The following TMCO6 variants were observed in gnomAD, a reference collection of about 807,000 sequenced individuals.
TMCO6 encodes the protein transmembrane and coiled-coil domains 6.
A neutral mutation model predicts 61.8 loss-of-function variants in TMCO6; 47 were observed. That is an observed-to-expected ratio of 0.76 (90% CI 0.60 to 0.97). The LOEUF (loss-of-function observed/expected upper bound fraction) is 0.97, where lower values mean the gene tolerates loss of function less well. Among genes scored for constraint, TMCO6 ranks in the 50% least tolerant of loss-of-function variants. The pLI, the probability that TMCO6 is intolerant of heterozygous loss-of-function variation, is 0.00. For synonymous variants in TMCO6, 261 were observed against 254.2 expected (o/e 1.03, Z -0.25); for missense variants, 557 against 601.6 (o/e 0.93, Z 0.78).
chr5:140,614,643 C>T, the TMCO6 span, among the ~76,000 whole-genome samples: 2 of 151,430 alleles, frequency 1.3e-5, no homozygotes, highest in Non-Finnish European at 2.9e-5. Context: ...GACAGAGTCT[C>T]GCTCTGTCAC....
the TMCO6 span, among the ~76,000 whole-genome samples, chr5:140,599,940 A>AAAT: frequency 0.3 from 44,733 of 148,654 alleles, 6,798 homozygotes; most frequent in African/African-American, 0.32. Context: ...AAATAAAATA[A>AAAT]AATAAAATAA....
At chr5:140,604,343 G>A in the TMCO6 span, among the ~76,000 whole-genome samples, 1 of 151,926 alleles carries the variant, frequency 6.6e-6, no homozygotes, top group Non-Finnish European at 1.5e-5. Flanking sequence ...GCAGTGAGCT[G>A]TGATCATCCC....
upstream of TMCO6, among the ~76,000 whole-genome samples, chr5:140,638,123 AGTC>A (rs1756819656): frequency 3.9e-5 from 6 of 152,368 alleles, no homozygotes; most frequent in East Asian, 1.2e-3. Context: ...CTGCTTGGCC[AGTC>A]GCCATGAGAG....
chr5:140,645,060 C>A lies in TMCO6; in HGVS notation c.1444C>A (p.Arg482Ser), dbSNP rs1757317564. The A allele has an allele frequency of 1.2e-6, 2 of 1,614,124 alleles. No homozygotes were observed. The highest frequency in any genetic ancestry group is 1.7e-6 in the Non-Finnish European group (2 of 1,180,042). The change falls in exon 12 of 12, where the codon CGT (arginine) becomes AGT (serine). Residue 482 changes from arginine to serine, a missense_variant. Coordinates refer to ENST00000394671, the MANE Select transcript of TMCO6 (RefSeq NM_018502.5). ...TCAGGAAGAGGCCCAGCTCCAGGAT[C>A]GTGTGTATGCTCTCCAGCAGACAGC... ...RHQEEAQLQD[R>S]VYALQQTALQ...
upstream of TMCO6, among the ~76,000 whole-genome samples, chr5:140,634,475 T>C (rs189034252): frequency 2.2e-3 from 326 of 146,470 alleles, no homozygotes; most frequent in African/African-American, 7.9e-3. Flanking sequence ...AAGAACTATA[T>C]GAAAGTCTTT....
downstream of TMCO6, chr5:140,647,526 G>A (rs777120962): frequency 6.2e-7 from 1 of 1,612,470 alleles, no homozygotes; most frequent in Non-Finnish European, 8.5e-7. Context: ...AAGTGGATGC[G>A]AATCTCACGC....
the TMCO6 span, among the ~76,000 whole-genome samples, chr5:140,611,165 T>C: frequency 2.0e-5 from 3 of 152,114 alleles, no homozygotes; most frequent in African/African-American, 4.8e-5. Context: ...ACTAAGAGTT[T>C]TTAAGGGTTC....
chr5:140,642,356 T>A lies in TMCO6; in HGVS notation c.540T>A (p.Ser180Arg), dbSNP rs1389693084. 4 of 1,613,652 alleles carry A rather than the reference T, an allele frequency of 2.5e-6. No homozygotes were observed. Among genetic ancestry groups the A allele is most frequent in the Non-Finnish European group, 3.4e-6 (4 of 1,179,772 alleles). The part of the protein sequence containing the change: ...LYTLGNLIVE[S>R]EAVRRQLLPQ... ...CACTGGGTAACCTGATCGTGGAGAG[T>A]GAGGCTGTGAGAAGGCAGCTCCTGC... The change falls in exon 5 of 12, where the codon AGT becomes AGA. Residue 180 changes from serine (S) to arginine (R), a missense_variant. Coordinates refer to ENST00000394671, the MANE Select transcript of TMCO6 (RefSeq NM_018502.5).
the TMCO6 span, among the ~76,000 whole-genome samples, chr5:140,599,408 A>G: frequency 6.6e-6 from 1 of 152,224 alleles, no homozygotes; most frequent in East Asian, 1.9e-4. Flanking sequence ...GCCTGACCAT[A>G]TGATCACGTC....
the TMCO6 span, among the ~76,000 whole-genome samples, chr5:140,616,002 G>A: frequency 8.6e-5 from 13 of 152,032 alleles, no homozygotes; most frequent in Non-Finnish European, 1.6e-4. Flanking sequence ...CGTTATGGCA[G>A]GCACCTATAA....
chr5:140,607,170 C>G, the TMCO6 span, among the ~76,000 whole-genome samples: 4 of 152,150 alleles, frequency 2.6e-5, no homozygotes, highest in Non-Finnish European at 5.9e-5. Context: ...AACAGAAACT[C>G]TGTACCCATT....
upstream of TMCO6, among the ~76,000 whole-genome samples, chr5:140,636,092 G>C (rs1333882222): frequency 6.6e-6 from 1 of 152,170 alleles, no homozygotes; most frequent in African/African-American, 2.4e-5. Flanking sequence ...TCCACCTCCT[G>C]GGTTCAAGCG....
chr5:140,637,073 GAGGGAAGGATGCTGGTAGAAAGAAA>G (rs1339798589), upstream of TMCO6, among the ~76,000 whole-genome samples: 5 of 152,174 alleles, frequency 3.3e-5, no homozygotes, highest in African/African-American at 1.2e-4. Context: ...GAATGGTGTT[GAGGGAAGGATGCTGGTAGAAAGAAA>G]AGGGAAGGAT....
chr5:140,629,910 GCAA>G, the TMCO6 span, among the ~76,000 whole-genome samples: 1 of 146,338 alleles, frequency 6.8e-6, no homozygotes, highest in Admixed American at 6.8e-5. Context: ...TCCAGCCTGG[GCAA>G]CAAGAGTGAA....
the TMCO6 span, among the ~76,000 whole-genome samples, chr5:140,607,820 C>T: frequency 7.0e-6 from 1 of 142,318 alleles, no homozygotes; most frequent in African/African-American, 2.6e-5. Flanking sequence ...GACAGGGTCT[C>T]TCTCTGTTGC....
the TMCO6 span, among the ~76,000 whole-genome samples, chr5:140,617,755 G>T: frequency 6.6e-6 from 1 of 150,840 alleles, no homozygotes; most frequent in Non-Finnish European, 1.5e-5. Context: ...AAAACTCAAG[G>T]TCTCAAATCG....
At chr5:140,613,153 G>T in the TMCO6 span, among the ~76,000 whole-genome samples, 1 of 152,146 alleles carries the variant, frequency 6.6e-6, no homozygotes, top group Admixed American at 6.5e-5. Context: ...CACTTTGGGA[G>T]GCTGAGGCAG....
chr5:140,607,273 C>A, the TMCO6 span, among the ~76,000 whole-genome samples: 4 of 152,184 alleles, frequency 2.6e-5, no homozygotes, highest in Admixed American at 2.6e-4. Context: ...AGATACTCAG[C>A]ATAAGTGGAA....
At chr5:140,630,619 GA>G in the TMCO6 span, among the ~76,000 whole-genome samples, 6 of 152,134 alleles carry the variant, frequency 3.9e-5, no homozygotes, top group African/African-American at 1.2e-4. Context: ...TTCAAGGGAA[GA>G]AAAAAACTGC....
Sources: gnomAD v4.1 joint callset for allele counts (sites outside exome capture counted in the v4.1 genomes callset) on GRCh38, gnomAD v4.1.1 for gene constraint, MANE v1.5 for transcripts, NCBI Gene and HGNC (gene_info 2026-07-23, HGNC 2026-07-21) for gene names.